CHST11: variants seen among roughly 807,000 people sequenced by gnomAD.
CHST11 encodes the protein C4S-1.
In CHST11, 9 loss-of-function variants were observed where a neutral mutation model predicts 30.4. That is an observed-to-expected ratio of 0.30 (90% CI 0.18 to 0.52). The LOEUF is 0.52. Among genes scored for constraint, CHST11 ranks in the 20% least tolerant of loss-of-function variants. The pLI is 0.97. For missense variants in CHST11, 348 were observed against 460.6 expected, an observed-to-expected ratio of 0.76 and a Z score of 2.24; for synonymous variants, 152 against 187.8, an observed-to-expected ratio of 0.81 and a Z score of 1.56.
intron 1 of CHST11, among the ~76,000 whole-genome samples, chr12:104,566,588 C>T (rs2038569047): frequency 6.6e-6 from 1 of 152,188 alleles, no homozygotes; most frequent in Non-Finnish European, 1.5e-5. Context: ...AGGGTGGGTT[C>T]TGGAGGGATC....
intron 1 of CHST11, among the ~76,000 whole-genome samples, chr12:104,479,216 G>A (rs1419526718): frequency 6.6e-6 from 1 of 151,764 alleles, no homozygotes; most frequent in Non-Finnish European, 1.5e-5. Context: ...AACTCAGTGT[G>A]GCAGAGACCA....
At chr12:104,460,042 T>C (rs1375111889) in intron 1 of CHST11, among the ~76,000 whole-genome samples, 1 of 152,244 alleles carries the variant, frequency 6.6e-6, no homozygotes, top group Non-Finnish European at 1.5e-5. Context: ...GGGGTTCATT[T>C]TATTAAGCTA....
chr12:104,665,965 G>A (rs1294544335), intron 2 of CHST11, among the ~76,000 whole-genome samples: 1 of 151,702 alleles, frequency 6.6e-6, no homozygotes, highest in Non-Finnish European at 1.5e-5. Context: ...GATTACAGGT[G>A]CCCGTCACCA....
intron 1 of CHST11, among the ~76,000 whole-genome samples, chr12:104,546,596 A>G (rs2038353265): frequency 6.6e-6 from 1 of 152,190 alleles, no homozygotes. Context: ...GGAAAAGGGA[A>G]TTGAAAAAGT....
chr12:104,750,155 C>G (rs1419829686), intron 2 of CHST11, among the ~76,000 whole-genome samples: 1 of 151,648 alleles, frequency 6.6e-6, no homozygotes, highest in Non-Finnish European at 1.5e-5. Flanking sequence ...ACATGATGAG[C>G]TTTTACCAAG....
chr12:104,666,026 G>A (rs1156817627), intron 2 of CHST11, among the ~76,000 whole-genome samples: 1 of 151,756 alleles, frequency 6.6e-6, no homozygotes, highest in Non-Finnish European at 1.5e-5. Flanking sequence ...CACCATGTTG[G>A]CCAGGATGGT....
At chr12:104,667,230 C>T (rs835488) in intron 2 of CHST11, among the ~76,000 whole-genome samples, 62,242 of 151,908 alleles carry the variant, frequency 0.41, 13,571 homozygotes, top group African/African-American at 0.56. Flanking sequence ...TCTTCCAGGC[C>T]GTCTCATTAG....
At chr12:104,691,324 G>A (rs2039894506) in intron 2 of CHST11, among the ~76,000 whole-genome samples, 1 of 152,082 alleles carries the variant, frequency 6.6e-6, no homozygotes, top group African/African-American at 2.4e-5. Context: ...CGTCAGGTGG[G>A]TGCTAAAGTG....
chr12:104,592,098 T>TA (rs1368504681), intron 1 of CHST11, among the ~76,000 whole-genome samples: 27 of 116,368 alleles, frequency 2.3e-4, no homozygotes, highest in Non-Finnish European at 9.0e-5. Context: ...TCCCCTCCCC[T>TA]CCCCTCTTCT....
intron 1 of CHST11, among the ~76,000 whole-genome samples, chr12:104,501,013 C>T (rs1312019832): frequency 1.3e-5 from 2 of 152,274 alleles, no homozygotes; most frequent in Admixed American, 6.5e-5. Context: ...GCTAGCTCAG[C>T]ATTTACAGCA....
chr12:104,480,541 G>A (rs12309853), intron 1 of CHST11, among the ~76,000 whole-genome samples: 2,456 of 142,950 alleles, frequency 0.017, 59 homozygotes, highest in African/African-American at 0.06. Flanking sequence ...TCGTGCCACT[G>A]CACCCCAGCC....
In CHST11 at chr12:104,676,239, A is replaced by G. The variant is rs891114690; in HGVS notation, c.204+74248A>G. 4.6e-5 allele frequency among the ~76,000 whole-genome samples: 7 copies of G among 152,178 alleles called. No homozygotes were observed. On this transcript the variant is annotated intron_variant, in intron 2 of 2. Coordinates refer to ENST00000303694, the MANE Select transcript of CHST11 (RefSeq NM_018413.6). The surrounding 1 kb of genome is among the most constrained non-coding windows in gnomAD (Gnocchi z 4.4). ...ACTGTTCTGGAGGTCAGGAGTCTGA[A>G]ATGGGTCTCCTGGGGCAAGAATCAA...
At chr12:104,582,689 A>G (rs554896698) in intron 1 of CHST11, among the ~76,000 whole-genome samples, 7 of 152,128 alleles carry the variant, frequency 4.6e-5, no homozygotes, top group African/African-American at 1.7e-4. Context: ...TACCGTTGGC[A>G]AGAACCTCTC....
chr12:104,545,793 G>C (rs1438776712), intron 1 of CHST11, among the ~76,000 whole-genome samples: 1 of 151,974 alleles, frequency 6.6e-6, no homozygotes, highest in Non-Finnish European at 1.5e-5. Context: ...AGGATGGCTG[G>C]AGAACTCTCT....
intron 1 of CHST11, among the ~76,000 whole-genome samples, chr12:104,532,522 C>T (rs983671202): frequency 2.6e-5 from 4 of 152,164 alleles, no homozygotes; most frequent in African/African-American, 7.2e-5. Flanking sequence ...GGGTGCAGAG[C>T]GTCCATGCCC....
chr12:104,513,138 T>TGGGGGGGGGGGGGGG (rs1565969843), intron 1 of CHST11, among the ~76,000 whole-genome samples: 3 of 3,340 alleles, frequency 9.0e-4, no homozygotes, highest in Non-Finnish European at 1.7e-3. Context: ...GGGGGGGGGG[T>TGGGGGGGGGGGGGGG]TGGGGGTGGG....
chr12:104,734,249 A>C (rs1355085400), intron 2 of CHST11, among the ~76,000 whole-genome samples: 1 of 152,158 alleles, frequency 6.6e-6, no homozygotes, highest in Non-Finnish European at 1.5e-5. Context: ...AAATCCAACT[A>C]TCTTGAAATA....
At chr12:104,462,170 AAAAAAAAAAAAAAAAG>A (rs1212575010) in intron 1 of CHST11, among the ~76,000 whole-genome samples, 1 of 109,122 alleles carries the variant, frequency 9.2e-6, no homozygotes, top group Non-Finnish European at 2.0e-5. Flanking sequence ...ACCATCTCAA[AAAAAAAAAAAAAAAAG>A]AAAAAGAAAA....
intron 1 of CHST11, among the ~76,000 whole-genome samples, chr12:104,461,564 T>A (rs541204093): frequency 6.6e-6 from 1 of 152,222 alleles, no homozygotes; most frequent in Non-Finnish European, 1.5e-5. Context: ...ACCTTCCTTT[T>A]GTGTTACTCC....
Sources: allele counts gnomAD v4.1 joint callset (sites outside exome capture counted in the v4.1 genomes callset), GRCh38; gene constraint gnomAD v4.1.1; non-coding constraint Gnocchi (gnomAD v3.1); transcripts MANE v1.5; gene names NCBI Gene and HGNC (gene_info 2026-07-23, HGNC 2026-07-21).